The following NLK variants were observed in gnomAD, a reference collection of about 807,000 sequenced individuals.
The protein encoded by NLK is nemo like kinase, also known as serine/threonine-protein kinase NLK.
A neutral mutation model predicts 59.0 loss-of-function variants in NLK; 11 were observed. The observed-to-expected ratio is 0.19, with a 90% CI of 0.12 to 0.31. The LOEUF (loss-of-function observed/expected upper bound fraction) is 0.31, where lower values mean the gene tolerates loss of function less well. NLK is among the 10% of genes least tolerant of loss of function. The pLI is 1.00. For synonymous variants in NLK, 235 were observed against 235.9 expected, an observed-to-expected ratio of 1.00 and a Z score of 0.03; for missense variants, 410 against 661.1, an observed-to-expected ratio of 0.62 and a Z score of 4.16.
chr17:28,131,182 G>C (rs1325067681), intron 2 of NLK, among the ~76,000 whole-genome samples: 1 of 151,860 alleles, frequency 6.6e-6, no homozygotes, highest in Admixed American at 6.6e-5. Flanking sequence ...AAATGAACCG[G>C]GTTTCTTCTA....
intron 1 of NLK, among the ~76,000 whole-genome samples, chr17:28,110,925 A>C (rs1231236239): frequency 6.6e-6 from 1 of 150,456 alleles, no homozygotes; most frequent in Non-Finnish European, 1.5e-5. Flanking sequence ...GCTCACTGCA[A>C]GCTCCGCCTC....
At chr17:28,087,016 C>G (rs1390710950) in intron 1 of NLK, among the ~76,000 whole-genome samples, 1 of 151,540 alleles carries the variant, frequency 6.6e-6, no homozygotes, top group Non-Finnish European at 1.5e-5. Flanking sequence ...TCACTGCACT[C>G]CAGCCTGGGT....
At position 28,090,906 on chromosome 17, in the gene NLK, T is replaced by C. The variant is rs77955126; in HGVS notation, c.459-31697T>C. On this transcript the variant is annotated intron_variant, in intron 1 of 10. Transcript: ENST00000407008. ...GCAGCTTTAAAGATTTTTCTCTTTATCAGTGGTTTTGAGCAATTTGATTGT... is the reference window on the plus strand; with the variant it reads ...GCAGCTTTAAAGATTTTTCTCTTTACCAGTGGTTTTGAGCAATTTGATTGT... Among the ~76,000 whole-genome samples the C allele has an allele frequency of 6.0e-3, 919 of 152,280 alleles. 10 individuals carry two copies. The highest frequency in any genetic ancestry group is 0.021 in the African/African-American group (859 of 41,554).
chr17:28,047,596 A>G (rs971889744), intron 1 of NLK, among the ~76,000 whole-genome samples: 1 of 152,210 alleles, frequency 6.6e-6, no homozygotes, highest in South Asian at 2.1e-4. Context: ...GTCGAAGTAG[A>G]GATTCACTTT....
chr17:28,052,564 A>C (rs1909294425), intron 1 of NLK, among the ~76,000 whole-genome samples: 2 of 152,208 alleles, frequency 1.3e-5, no homozygotes. Flanking sequence ...AGACACCCTC[A>C]GCAAACCAGC....
chr17:28,098,333 C>T (rs1904774326), intron 1 of NLK, among the ~76,000 whole-genome samples: 1 of 152,080 alleles, frequency 6.6e-6, no homozygotes, highest in Non-Finnish European at 1.5e-5. Context: ...GAACGGGTAG[C>T]CTCATATACC....
chr17:28,161,012 G>A (rs1907982270), intron 3 of NLK, 148 bp from the exon 4 acceptor site: 1 of 509,192 alleles, frequency 2.0e-6, no homozygotes, highest in South Asian at 3.7e-5. Context: ...TGTGAGGGCT[G>A]GAATTCTCAC....
chr17:28,167,797 C>T (rs1908301660), intron 5 of NLK, among the ~76,000 whole-genome samples: 1 of 151,794 alleles, frequency 6.6e-6, no homozygotes, highest in Admixed American at 6.6e-5. Context: ...CACGCCACTG[C>T]ACTCCAGCCA....
Position 28,153,044 on chromosome 17 carries a change from C to T in NLK, c.645-8116C>T, listed in dbSNP as rs144445470. On this transcript the variant is annotated intron_variant, in intron 3 of 10. Transcript: ENST00000407008. ...ATCCCAGCACTTTGGGAGGCCAAGG[C>T]GGGCAGATCACCTGAGGTCGGGAGT... Among the ~76,000 whole-genome samples the T allele has an allele frequency of 8.5e-3, 1,289 of 151,874 alleles. 17 individuals are homozygous for T. The highest frequency in any genetic ancestry group is 0.029 in the African/African-American group (1,208 of 41,458).
intron 1 of NLK, among the ~76,000 whole-genome samples, chr17:28,113,093 A>AT: frequency 6.6e-6 from 1 of 152,188 alleles, no homozygotes; most frequent in East Asian, 1.9e-4. Flanking sequence ...TTAAGCTAAA[A>AT]TTTTTTGTGT....
intron 2 of NLK, among the ~76,000 whole-genome samples, chr17:28,123,350 A>G (rs1386398829): frequency 6.6e-6 from 1 of 152,222 alleles, no homozygotes; most frequent in Non-Finnish European, 1.5e-5. Flanking sequence ...AATAGAAACC[A>G]CAACCAAGGT....
At chr17:28,179,879 T>G (rs540925893) in intron 7 of NLK, among the ~76,000 whole-genome samples, 535 of 148,282 alleles carry the variant, frequency 3.6e-3, no homozygotes, top group Admixed American at 7.2e-3. Flanking sequence ...TTGGTTTTTT[T>G]TTTTTTTTTT....
In NLK at chr17:28,043,427, G is replaced by C; in HGVS notation, c.458+96G>C. 7.1e-6 allele frequency: 8 copies of C among 1,131,536 alleles called. No homozygotes were observed. In the South Asian group the frequency reaches 1.3e-4, roughly 19 times the overall value. The allele number at this position is 1,131,536 out of a possible 1,614,324, so 70.1% of individuals were successfully genotyped here. ...TAATGGTTGTCTCCATGTTGACCAA[G>C]GTGCAGCAAGCTTCTCAACCCAACT... is the stretch of plus-strand genomic sequence containing the variant. On this transcript the variant is annotated intron_variant, in intron 1 of 10. Transcript: ENST00000407008.
intron 2 of NLK, among the ~76,000 whole-genome samples, chr17:28,124,526 A>T (rs562409924): frequency 1.8e-4 from 27 of 151,260 alleles, no homozygotes; most frequent in African/African-American, 6.3e-4. Context: ...CTCCATCTCT[A>T]AAAAAAAACC....
chr17:28,111,001 C>T (rs962774958), intron 1 of NLK, among the ~76,000 whole-genome samples: 7 of 150,696 alleles, frequency 4.6e-5, no homozygotes, highest in African/African-American at 4.9e-5. Flanking sequence ...CCCGCCACTA[C>T]GCCCGGCTAA....
At chr17:28,133,773 G>A (rs1038156373) in intron 3 of NLK, among the ~76,000 whole-genome samples, 1 of 152,160 alleles carries the variant, frequency 6.6e-6, no homozygotes, top group Admixed American at 6.5e-5. Context: ...GACTCAGAAT[G>A]GAAACCAATG....
rs1298724692 is a variant in NLK at position 28,111,871 on chromosome 17, TGTGTGTGTGTGTGTGTGTGTGTGTG to T, written c.459-10706_459-10682del. ...TAATAAGGCTTATACCGTGTGTGTG[TGTGTGTGTGTGTGTGTGTGTGTGTG>T]GTGTGTGTGTGTGTGTGTGTGTGTG... is the stretch of plus-strand genomic sequence containing the variant. On this transcript the variant is annotated intron_variant, in intron 1 of 10. Transcript: ENST00000407008. Among the ~76,000 whole-genome samples the T allele has an allele frequency of 3.0e-4, 37 of 123,544 alleles. No homozygotes were observed. The East Asian group carries it at 5.4e-3, about 18-fold the overall frequency. The allele number at this position is 123,544 out of a possible 152,430, so 81.0% of individuals were successfully genotyped here.
chr17:28,048,132 T>G, intron 1 of NLK: 1 of 392,192 alleles, frequency 2.5e-6, no homozygotes, highest in Non-Finnish European at 4.5e-6. Flanking sequence ...ACAAACGAAC[T>G]TACTTTTGGA....
intron 1 of NLK, among the ~76,000 whole-genome samples, chr17:28,055,116 C>T (rs1366613165): frequency 5.2e-5 from 7 of 134,032 alleles, no homozygotes; most frequent in South Asian, 2.3e-4. Flanking sequence ...TTTTTTGAGA[C>T]GGATTCTCGC....
Sources: allele counts gnomAD v4.1 joint callset (sites outside exome capture counted in the v4.1 genomes callset), GRCh38; gene constraint gnomAD v4.1.1; transcripts MANE v1.5; gene names NCBI Gene and HGNC (gene_info 2026-07-23, HGNC 2026-07-21).